The following FOXP1 variants were observed in gnomAD, a reference collection of about 807,000 sequenced individuals.
FOXP1 encodes the protein forkhead box protein P1.
FOXP1 carries 15 observed loss-of-function variants against 98.2 expected under a neutral mutation model. The observed-to-expected ratio is 0.15, with a 90% CI of 0.10 to 0.24. The LOEUF is 0.24. Ranked by LOEUF, FOXP1 falls within the 10% of genes least tolerant of loss-of-function variation. FOXP1 has a pLI of 1.00. For missense variants in FOXP1, 633 were observed against 848.5 expected (o/e 0.75, Z 3.15); for synonymous variants, 371 against 314.5 (o/e 1.18, Z -1.90).
At chr3:71,355,491 T>C (rs1386827365) in intron 4 of FOXP1, among the ~76,000 whole-genome samples, 1 of 152,062 alleles carries the variant, frequency 6.6e-6, no homozygotes, top group Non-Finnish European at 1.5e-5. Context: ...CACTAAGGGA[T>C]GAGAAGGAGT....
chr3:71,413,292 C>CACACACACACA (rs1364185381), intron 3 of FOXP1, among the ~76,000 whole-genome samples: 4,124 of 89,086 alleles, frequency 0.046, 104 homozygotes, highest in Non-Finnish European at 0.074. Flanking sequence ...ACACACACAC[C>CACACACACACA]CAAAACAGCC....
At chr3:71,164,261 G>A (rs987065467) in intron 6 of FOXP1, among the ~76,000 whole-genome samples, 3 of 151,848 alleles carry the variant, frequency 2.0e-5, no homozygotes, top group Non-Finnish European at 2.9e-5. Flanking sequence ...GTGCAGTGGC[G>A]CAATCTCGGC....
Position 70,987,951 on chromosome 3 carries a change from T to C in FOXP1, c.1146+43A>G, listed in dbSNP as rs2040016302. ...GGGTGGGGAAGTAGAAAAGGAATACTGTGAGTTTTGTTTTTTTCCCCTTGG... is the reference window on the plus strand; with the variant it reads ...GGGTGGGGAAGTAGAAAAGGAATACCGTGAGTTTTGTTTTTTTCCCCTTGG... On this transcript the variant is annotated intron_variant, in intron 14 of 20. Transcript: ENST00000649528. The C allele has an allele frequency of 1.9e-6, 3 of 1,570,812 alleles. No individual in the cohort carries two copies. In the African/African-American group the frequency reaches 4.0e-5, roughly 21 times the overall value.
chr3:71,288,977 T>C (rs2072464724), intron 5 of FOXP1, among the ~76,000 whole-genome samples: 1 of 152,216 alleles, frequency 6.6e-6, no homozygotes, highest in Non-Finnish European at 1.5e-5. Flanking sequence ...CATCATCTTT[T>C]TTGACCACTT....
At chr3:71,414,338 C>A (rs1374970154) in intron 3 of FOXP1, among the ~76,000 whole-genome samples, 1 of 152,186 alleles carries the variant, frequency 6.6e-6, no homozygotes, top group Non-Finnish European at 1.5e-5. Context: ...CAGCTCGGGG[C>A]CCTGCACATT....
intron 2 of FOXP1, among the ~76,000 whole-genome samples, chr3:71,519,487 A>G (rs1304314410): frequency 1.3e-5 from 2 of 152,124 alleles, no homozygotes; most frequent in Non-Finnish European, 2.9e-5. Flanking sequence ...TAACTCTCTG[A>G]TAAGTATATT....
At chr3:71,008,514 G>A (rs1372557084) in intron 12 of FOXP1, among the ~76,000 whole-genome samples, 1 of 152,100 alleles carries the variant, frequency 6.6e-6, no homozygotes. Context: ...AGAGTTAGCA[G>A]GAGCACCTGC....
intron 2 of FOXP1, among the ~76,000 whole-genome samples, chr3:71,520,012 A>T (rs1356199607): frequency 6.6e-6 from 1 of 152,260 alleles, no homozygotes; most frequent in African/African-American, 2.4e-5. Context: ...CAATCTTTGG[A>T]TTAAGAAATA....
rs117671186 is a variant in FOXP1, at chr3:71,167,721, C to T, written c.180+30481G>A. On this transcript the variant is annotated intron_variant, in intron 6 of 20. Coordinates refer to ENST00000649528, the MANE Select transcript of FOXP1 (RefSeq NM_001349338.3). ...TATTTTACATTATTTAATCCCAAAT[C>T]CCATCTTTTGGATTCTACCTTCCTC... Among the ~76,000 whole-genome samples, 8 of 152,308 alleles carry T rather than the reference C, an allele frequency of 5.3e-5. No individual in the cohort carries two copies. In the East Asian group the frequency reaches 1.3e-3, roughly 26 times the overall value.
Position 71,074,769 on chromosome 3 carries a change from G to A in FOXP1, c.283-20996C>T, listed in dbSNP as rs143164846. On this transcript the variant is annotated intron_variant, in intron 7 of 20. Coordinates refer to ENST00000649528, the MANE Select transcript of FOXP1 (RefSeq NM_001349338.3). ...AATAACACAAAGTTAAAATTCTGAT[G>A]TCCTCTTTGATTCTTACAGGAATCC... is the stretch of plus-strand genomic sequence containing the variant. Among the ~76,000 whole-genome samples, 13 of 152,306 alleles carry A rather than the reference G, an allele frequency of 8.5e-5. No individual in the cohort carries two copies. In the East Asian group the frequency reaches 1.2e-3, roughly 14 times the overall value.
At chr3:71,130,795 T>C in intron 6 of FOXP1, 1 of 1,437,062 alleles carries the variant, frequency 7.0e-7, no homozygotes, top group Non-Finnish European at 9.1e-7. Context: ...ACTTTCAAAG[T>C]TGAAAGATCA....
intron 4 of FOXP1, among the ~76,000 whole-genome samples, chr3:71,302,034 G>A (rs146014468): frequency 6.6e-6 from 1 of 152,332 alleles, no homozygotes; most frequent in East Asian, 1.9e-4. Flanking sequence ...AAAATGGGCA[G>A]TGGGATATAA....
At chr3:71,128,324 G>T (rs929546078) in intron 6 of FOXP1, among the ~76,000 whole-genome samples, 40 of 141,576 alleles carry the variant, frequency 2.8e-4, no homozygotes, top group Admixed American at 8.4e-4. Context: ...AAAAAAAAAC[G>T]CAAATTTTAA....
At chr3:70,960,184 A>G (rs1396843985) in intron 20 of FOXP1, among the ~76,000 whole-genome samples, 1 of 152,212 alleles carries the variant, frequency 6.6e-6, no homozygotes, top group Non-Finnish European at 1.5e-5. Flanking sequence ...AAATTAATGC[A>G]TATTTTTACA....
At chr3:71,007,045 C>T (rs113998598) in intron 12 of FOXP1, among the ~76,000 whole-genome samples, 1,686 of 151,926 alleles carry the variant, frequency 0.011, 39 homozygotes, top group African/African-American at 0.039. Flanking sequence ...TTGACCTCTT[C>T]GAGTACTAAG....
intron 7 of FOXP1, among the ~76,000 whole-genome samples, chr3:71,082,559 G>A (rs560624153): frequency 3.3e-5 from 5 of 150,680 alleles, no homozygotes; most frequent in African/African-American, 7.3e-5. Flanking sequence ...AACCACCAGG[G>A]CACATGTATA....
chr3:71,269,715 A>G (rs1001467801), intron 5 of FOXP1, among the ~76,000 whole-genome samples: 2 of 152,190 alleles, frequency 1.3e-5, no homozygotes, highest in Non-Finnish European at 2.9e-5. Context: ...GAAACAAATG[A>G]CATTTTCTGC....
intron 2 of FOXP1, among the ~76,000 whole-genome samples, chr3:71,549,380 A>T (rs2045599864): frequency 6.6e-6 from 1 of 152,156 alleles, no homozygotes; most frequent in African/African-American, 2.4e-5. Flanking sequence ...TTTATTATTT[A>T]AAAAAATTTT....
rs1051043436 is a variant in FOXP1, at chr3:70,957,375, T to C, written c.*1872A>G. On this transcript the variant is annotated 3_prime_UTR_variant, in exon 21 of 21. Coordinates refer to ENST00000649528, the MANE Select transcript of FOXP1 (RefSeq NM_001349338.3). ...AATTTACGATGAAGGAGCAGTTCTC[T>C]TTCTCAGGTTGCAATAGCCTATCGC... 11 of 229,426 alleles carry C rather than the reference T, an allele frequency of 4.8e-5. No individual in the cohort carries two copies. The highest frequency in any genetic ancestry group is 2.4e-4 in the African/African-American group (11 of 45,148). 14.2% of individuals were successfully genotyped at this position (229,426 alleles called of 1,614,324 possible).
Sources: allele counts gnomAD v4.1 joint callset (sites outside exome capture counted in the v4.1 genomes callset), GRCh38; gene constraint gnomAD v4.1.1; transcripts MANE v1.5; gene names NCBI Gene and HGNC (gene_info 2026-07-23, HGNC 2026-07-21).